Variants in GTF2H1 observed in about 807,000 individuals in gnomAD.
GTF2H1 encodes the protein BTF2 p62.
In GTF2H1, 16 loss-of-function variants were observed where a neutral mutation model predicts 71.2. That is an observed-to-expected ratio of 0.22 (90% CI 0.15 to 0.34). The LOEUF is 0.34. Ranked by LOEUF, GTF2H1 falls within the 10% of genes least tolerant of loss-of-function variation. The pLI is 1.00. For missense variants in GTF2H1, 498 were observed against 648.2 expected (o/e 0.77, Z 2.52); for synonymous variants, 215 against 219.0 (o/e 0.98, Z 0.16).
chr11:18,345,513 T>C (rs956941883), intron 7 of GTF2H1, among the ~76,000 whole-genome samples: 22 of 151,824 alleles, frequency 1.4e-4, no homozygotes, highest in Non-Finnish European at 2.8e-4. Flanking sequence ...TTTTTTTTTT[T>C]TTTGAGATGG....
chr11:18,337,789 A>G (rs1256211847), intron 3 of GTF2H1, among the ~76,000 whole-genome samples: 8 of 152,176 alleles, frequency 5.3e-5, no homozygotes, highest in Admixed American at 4.6e-4. Flanking sequence ...TCAGATACCA[A>G]CAGACAGTAC....
chr11:18,355,085 C>G, intron 11 of GTF2H1, among the ~76,000 whole-genome samples: 1 of 151,792 alleles, frequency 6.6e-6, no homozygotes, highest in East Asian at 1.9e-4. Context: ...GCTGAGATTA[C>G]AGGCCGTTTT....
In GTF2H1 at chr11:18,358,060, T is replaced by G. The variant is rs1865604329; in HGVS notation, c.1351+18T>G. The G allele has an allele frequency of 6.5e-7, 1 of 1,541,530 alleles. No individual in the cohort carries two copies. The highest frequency in any genetic ancestry group is 1.4e-5 in the African/African-American group (1 of 73,420). On this transcript the variant is annotated intron_variant, in intron 12 of 14. Transcript: ENST00000265963. ...CATAAACCGTATGTGCCGGGCCATC[T>G]TCTACTACTTTCTGCCTAAATCAGC...
At chr11:18,348,075 TC>T (rs1264831452) in intron 9 of GTF2H1, 156 bp downstream of exon 9, 4 of 643,914 alleles carry the variant, frequency 6.2e-6, no homozygotes, top group East Asian at 5.5e-5. Flanking sequence ...AAAGAGTATT[TC>T]CCCAGCTTTG....
chr11:18,363,866 A>C (rs964853501), intron 14 of GTF2H1, among the ~76,000 whole-genome samples: 2 of 152,090 alleles, frequency 1.3e-5, no homozygotes, highest in Admixed American at 6.6e-5. Context: ...TGAGGTCAAG[A>C]GTTCGAGACC....
intron 14 of GTF2H1, among the ~76,000 whole-genome samples, chr11:18,362,621 C>T (rs1176161049): frequency 6.7e-6 from 1 of 149,820 alleles, no homozygotes; most frequent in Non-Finnish European, 1.5e-5. Flanking sequence ...CTCTCTTTCT[C>T]TCTCTCTCTC....
At chr11:18,362,877 G>A (rs1865737250) in intron 14 of GTF2H1, among the ~76,000 whole-genome samples, 1 of 151,750 alleles carries the variant, frequency 6.6e-6, no homozygotes, top group Non-Finnish European at 1.5e-5. Flanking sequence ...CACTGTGTCG[G>A]CCAGGTTGGT....
intron 1 of GTF2H1, among the ~76,000 whole-genome samples, chr11:18,329,310 C>A (rs1435094391): frequency 6.6e-6 from 1 of 152,162 alleles, no homozygotes; most frequent in Admixed American, 6.5e-5. Flanking sequence ...TCATCATGTC[C>A]GGAACTGAAT....
In GTF2H1 at chr11:18,347,693, C is replaced by G; in HGVS notation, c.943C>G (p.Leu315Val). The G allele has an allele frequency of 6.2e-7, 1 of 1,613,368 alleles. No individual in the cohort carries two copies. Residue 315 changes from leucine (L) to valine (V), a missense_variant, in exon 8 of 15, where the codon CTG (leucine) becomes GTG (valine). Physicochemically the swap from Leu to Val is conservative, Grantham distance 32. This residue lies in a region of GTF2H1 where 266 missense variants were observed against 301.6 expected (regional missense o/e 0.88). Coordinates refer to ENST00000265963, the MANE Select transcript of GTF2H1 (RefSeq NM_005316.4). ...KRFNHHSAMVLAAGLRKQEAQ... is the reference protein window; with the variant it reads ...KRFNHHSAMVVAAGLRKQEAQ... The stretch of plus-strand genomic sequence containing the variant: ...ATTTAACCATCACAGTGCCATGGTC[C>G]TGGCAGCTGGACTCAGAAAACAGTT...
At chr11:18,324,835 TTC>T (rs1444066749) in intron 1 of GTF2H1, among the ~76,000 whole-genome samples, 2 of 152,220 alleles carry the variant, frequency 1.3e-5, no homozygotes, top group African/African-American at 4.8e-5. Context: ...GCATATTTTC[TTC>T]TGTCATGCAT....
At chr11:18,362,262 T>C (rs905579362) in intron 14 of GTF2H1, among the ~76,000 whole-genome samples, 1 of 152,120 alleles carries the variant, frequency 6.6e-6, no homozygotes, top group Admixed American at 6.5e-5. Context: ...GTATAAAAGA[T>C]AAAAAGTGGT....
chr11:18,363,871 G>A (rs920984299), intron 14 of GTF2H1, among the ~76,000 whole-genome samples: 17 of 152,076 alleles, frequency 1.1e-4, no homozygotes, highest in African/African-American at 2.2e-4. Context: ...TCAAGAGTTC[G>A]AGACCAGCCT....
chr11:18,362,002 C>T (rs1371442499), intron 14 of GTF2H1, among the ~76,000 whole-genome samples: 2 of 152,226 alleles, frequency 1.3e-5, no homozygotes, highest in Non-Finnish European at 2.9e-5. Context: ...AAGAATAGTA[C>T]AGTCACGTGT....
At chr11:18,357,745 G>A (rs113132658) in intron 11 of GTF2H1, among the ~76,000 whole-genome samples, 49 of 152,128 alleles carry the variant, frequency 3.2e-4, no homozygotes, top group African/African-American at 1.1e-3. Context: ...GGCATGCCTG[G>A]GAGATTTGTA....
chr11:18,332,093 C>CG (rs4150554), intron 1 of GTF2H1, among the ~76,000 whole-genome samples: 9 of 152,034 alleles, frequency 5.9e-5, no homozygotes, highest in South Asian at 4.1e-4. Flanking sequence ...TCCCAAATTG[C>CG]GGGGGGTTAC....
rs1007363394 is a variant in GTF2H1, at chr11:18,340,642, C to A, written c.608-619C>A. Among the ~76,000 whole-genome samples, 7 of 152,172 alleles carry A rather than the reference C, an allele frequency of 4.6e-5. No individual in the cohort carries two copies. The East Asian group carries it at 1.3e-3, about 29-fold the overall frequency. ...TGTGTAGTGTTTATTATGTGCCAGACGCTTTTCTAAGTTCTTTTTCTATAG... is the reference window on the plus strand; with the variant it reads ...TGTGTAGTGTTTATTATGTGCCAGAAGCTTTTCTAAGTTCTTTTTCTATAG... On this transcript the variant is annotated intron_variant, in intron 5 of 14. Coordinates refer to ENST00000265963, the MANE Select transcript of GTF2H1 (RefSeq NM_005316.4).
At chr11:18,341,817 A>G in intron 7 of GTF2H1, 1 of 417,046 alleles carries the variant, frequency 2.4e-6, no homozygotes, top group South Asian at 3.7e-5. Flanking sequence ...AGTTGCTAAA[A>G]CCTTTTAAAA....
intron 11 of GTF2H1, among the ~76,000 whole-genome samples, chr11:18,353,599 G>A (rs181349524): frequency 2.0e-4 from 30 of 152,288 alleles, no homozygotes; most frequent in Middle Eastern, 6.8e-3. Flanking sequence ...CATTGCCTCT[G>A]GAAAGTAATC....
intron 10 of GTF2H1, 65 bp downstream of exon 10, chr11:18,352,034 G>A: frequency 2.5e-6 from 2 of 809,828 alleles, no homozygotes; most frequent in Non-Finnish European, 2.1e-6. Context: ...TATCCTACAA[G>A]TATAGCACTC....
Sources: allele counts gnomAD v4.1 joint callset (sites outside exome capture counted in the v4.1 genomes callset), GRCh38; gene constraint gnomAD v4.1.1; regional missense constraint gnomAD v4.1.1; transcripts MANE v1.5; gene names NCBI Gene and HGNC (gene_info 2026-07-23, HGNC 2026-07-21).